The following USP54 variants were observed in gnomAD, a reference collection of about 807,000 sequenced individuals.
USP54 encodes ubiquitin carboxyl-terminal hydrolase 54.
Under a neutral mutation model 170.5 loss-of-function variants are expected in USP54, and 87 were observed. That is an observed-to-expected ratio of 0.51 (90% CI 0.43 to 0.61). The LOEUF (loss-of-function observed/expected upper bound fraction) is 0.61. USP54 is among the 20% of genes least tolerant of loss of function. The probability of loss-of-function intolerance (pLI) is 0.00; values close to 1 mark genes in which losing one functional copy is unlikely to be tolerated. For synonymous variants in USP54, 655 were observed against 742.8 expected (o/e 0.88, Z 1.92); for missense variants, 1,786 against 2,047.8 (o/e 0.87, Z 2.47).
In USP54 at chr10:73,543,122, G is replaced by A. The variant is rs61995917; in HGVS notation, c.385C>T (p.Leu129=). The change falls in exon 6 of 24, where the codon CTG becomes TTG. Residue 129 remains leucine, a synonymous_variant. Transcript: ENST00000687698. Reference sequence around the variant, plus strand: ...GCAATGTGGAAGTGAATTCTCATCAGGAGGTTTTCCTGACAGGGAAAGAAC... The same window carrying A: ...GCAATGTGGAAGTGAATTCTCATCAAGAGGTTTTCCTGACAGGGAAAGAAC... ...DDAAECFENL[L]MRIHFHIADE... 755 of 1,613,326 alleles carry A rather than the reference G, an allele frequency of 4.7e-4. 11 individuals carry two copies. The African/African-American group carries it at 8.0e-3, about 17-fold the overall frequency.
At chr10:73,624,400 G>GT (rs1181735683) in intron 1 of USP54, 5 of 121,024 alleles carry the variant, frequency 4.1e-5, no homozygotes, top group Non-Finnish European at 6.8e-5. Flanking sequence ...GGGGGGGGGG[G>GT]TTTCACCATG....
chr10:73,544,163 G>A (rs1398778781), intron 5 of USP54, among the ~76,000 whole-genome samples: 1 of 151,950 alleles, frequency 6.6e-6, no homozygotes, highest in African/African-American at 2.4e-5. Flanking sequence ...GGCTGCTCTC[G>A]AACTCCTGAC....
Position 73,530,239 on chromosome 10 carries a change from G to T in USP54, c.1732C>A (p.Pro578Thr). The T allele has an allele frequency of 6.2e-7, 1 of 1,614,098 alleles. No individual in the cohort carries two copies. Among genetic ancestry groups the T allele is most frequent in the Non-Finnish European group, 8.5e-7 (1 of 1,180,030 alleles). Residue 578 changes from proline to threonine, a missense_variant, in exon 14 of 24, where the codon CCC (proline) becomes ACC (threonine). Physicochemically the swap from Pro to Thr is conservative, Grantham distance 38 (BLOSUM62 -1). This residue lies in a region of USP54 where 1,418 missense variants were observed against 1,569.0 expected (regional missense o/e 0.90). Coordinates refer to ENST00000687698, the MANE Select transcript of USP54 (RefSeq NM_001391956.1). ...SSSKYRPTWRPKRESLNIDSI... is the reference protein window; with the variant it reads ...SSSKYRPTWRTKRESLNIDSI... The stretch of plus-strand genomic sequence containing the variant: ...TCAATATTCAGAGATTCTCGTTTGG[G>T]TCTCCATGTGGGACGATACTTGCTG...
At chr10:73,522,457 T>C (rs76285505) in intron 17 of USP54, among the ~76,000 whole-genome samples, 6,851 of 152,256 alleles carry the variant, frequency 0.045, 471 homozygotes, top group African/African-American at 0.15. Context: ...CCACAGTGTA[T>C]AGAGAACTGA....
At chr10:73,522,425 T>C (rs1015543513) in intron 17 of USP54, among the ~76,000 whole-genome samples, 3 of 152,238 alleles carry the variant, frequency 2.0e-5, no homozygotes, top group Admixed American at 6.5e-5. Flanking sequence ...TTCCATTCCT[T>C]GCTCATGCAG....
At chr10:73,521,163 T>A in intron 17 of USP54, 136 bp from the exon 18 acceptor site, 1 of 1,227,436 alleles carries the variant, frequency 8.1e-7, no homozygotes, top group Non-Finnish European at 1.1e-6. Flanking sequence ...CTATTCCTAT[T>A]AAGAATTATC....
intron 20 of USP54, chr10:73,506,343 A>T (rs1239658621): frequency 6.6e-6 from 1 of 152,176 alleles, no homozygotes; most frequent in Non-Finnish European, 1.5e-5. Context: ...CTAAACAACC[A>T]CTAAATGCTT....
intron 1 of USP54, among the ~76,000 whole-genome samples, chr10:73,609,841 A>G (rs35090274): frequency 7.7e-6 from 1 of 130,058 alleles, no homozygotes; most frequent in East Asian, 2.4e-4. Flanking sequence ...AGATTCCGTC[A>G]CAAAAAAAAA....
At chr10:73,612,228 A>C (rs1054737757) in intron 1 of USP54, among the ~76,000 whole-genome samples, 2 of 151,912 alleles carry the variant, frequency 1.3e-5, no homozygotes, top group African/African-American at 4.9e-5. Flanking sequence ...AATTTTATTG[A>C]GCTAGCTTCT....
At position 73,530,266 on chromosome 10, in the gene USP54, A is replaced by T. The variant is rs1309138273; in HGVS notation, c.1705T>A (p.Ser569Thr). The T allele has an allele frequency of 6.2e-7, 1 of 1,614,054 alleles. No individual in the cohort carries two copies. The highest frequency in any genetic ancestry group is 1.7e-5 in the Admixed American group (1 of 60,000). ...STSSESKSSS[S>T]SKYRPTWRPK... ...CTCCATGTGGGACGATACTTGCTGG[A>T]AGAACTGGATTTTGACTCACTGCTG... The change falls in exon 14 of 24, where the codon TCC becomes ACC. Residue 569 changes from serine to threonine, a missense_variant. By Grantham distance (58) the Ser-to-Thr change is moderately conservative. This residue lies in a region of USP54 where 1,418 missense variants were observed against 1,569.0 expected (regional missense o/e 0.90). Transcript: ENST00000687698.
rs1564974692 is a variant in USP54 at position 73,624,175 on chromosome 10, TATATATATA to T, written c.-18+1383_-18+1391del. Among the ~76,000 whole-genome samples the T allele has an allele frequency of 5.3e-3, 623 of 116,558 alleles. 9 individuals carry two copies. The highest frequency in any genetic ancestry group is 0.019 in the East Asian group (56 of 2,906). The allele number at this position is 116,558 out of a possible 152,430, so 76.5% of individuals were successfully genotyped here. ...TTTAAAAGCCATATATATATATATATATATATATATATATATATATGTATTTTTTTTTTT... is the reference window on the plus strand; with the variant it reads ...TTTAAAAGCCATATATATATATATATTATATATATATGTATTTTTTTTTTT... On this transcript the variant is annotated intron_variant, in intron 1 of 22. Coordinates refer to the USP54 transcript ENST00000339859.
chr10:73,602,855 C>CAAAAAA (rs60433926), intron 1 of USP54, among the ~76,000 whole-genome samples: 5 of 41,426 alleles, frequency 1.2e-4, no homozygotes, highest in East Asian at 7.7e-4. Flanking sequence ...GACTCTGTCT[C>CAAAAAA]AAAAAAAAAA....
intron 20 of USP54, among the ~76,000 whole-genome samples, chr10:73,508,990 T>G (rs2059723111): frequency 6.8e-6 from 1 of 147,582 alleles, no homozygotes; most frequent in Admixed American, 6.8e-5. Flanking sequence ...TTTTTTTTTC[T>G]TAAGGACTTA....
At chr10:73,606,810 T>C (rs4746137) in intron 1 of USP54, among the ~76,000 whole-genome samples, 116,543 of 149,078 alleles carry the variant, frequency 0.78, 46,106 homozygotes, top group East Asian at 1. Context: ...ACCTGGGAGG[T>C]GGAGGTTGCA....
In USP54 at chr10:73,529,850, T is replaced by C. The variant is rs1485316356; in HGVS notation, c.1890A>G (p.Gly630=). The C allele has an allele frequency of 5.7e-6, 9 of 1,577,020 alleles. No individual in the cohort carries two copies. Among genetic ancestry groups the C allele is most frequent in the Non-Finnish European group, 7.7e-6 (9 of 1,163,208 alleles). Residue 630 remains glycine (G), a synonymous_variant, in exon 15 of 24, where the codon GGA becomes GGG. Coordinates refer to ENST00000687698, the MANE Select transcript of USP54 (RefSeq NM_001391956.1). ...CCCAGCGCTTGTACTGGGGGCTTGG[T>C]CCACCAAATTTAATGTCGTAAGAAG... The part of the protein sequence containing the change: ...KPPSYDIKFG[G]PSPQYKRWGP...
chr10:73,541,602 C>G, intron 8 of USP54, 31 bp downstream of exon 8: 1 of 1,613,344 alleles, frequency 6.2e-7, no homozygotes, highest in Non-Finnish European at 8.5e-7. Context: ...TTCCCTTTCC[C>G]ACTCCAAACC....
chr10:73,574,816 C>T (rs2075852517), intron 3 of USP54, among the ~76,000 whole-genome samples: 1 of 150,012 alleles, frequency 6.7e-6, no homozygotes, highest in East Asian at 2.0e-4. Flanking sequence ...TGTGATTGGG[C>T]CACTATACTC....
chr10:73,625,632 G>A (rs531936649), exon 1 of USP54: 1 of 152,646 alleles, frequency 6.6e-6, no homozygotes, highest in Non-Finnish European at 1.5e-5. Context: ...CCTTTATCCA[G>A]TTCCGAGTCT....
At chr10:73,556,713 G>A (rs1255230488) in intron 4 of USP54, among the ~76,000 whole-genome samples, 1 of 152,018 alleles carries the variant, frequency 6.6e-6, no homozygotes, top group East Asian at 1.9e-4. Flanking sequence ...ACAGGCATAA[G>A]GTATAACTTG....
Sources: allele counts gnomAD v4.1 joint callset (sites outside exome capture counted in the v4.1 genomes callset), GRCh38; gene constraint gnomAD v4.1.1; regional missense constraint gnomAD v4.1.1; transcripts MANE v1.5; gene names NCBI Gene and HGNC (gene_info 2026-07-23, HGNC 2026-07-21).